SHE: variants seen among roughly 807,000 people sequenced by gnomAD.
SHE encodes the protein SH2 domain-containing adapter protein E.
In SHE, 11 loss-of-function variants were observed where a neutral mutation model predicts 49.8. The ratio of observed to expected loss-of-function variants is 0.22; its 90% confidence interval spans 0.14 to 0.37. The LOEUF (loss-of-function observed/expected upper bound fraction) is 0.37, where lower values mean the gene tolerates loss of function less well. Among genes scored for constraint, SHE ranks in the 10% least tolerant of loss-of-function variants. SHE has a pLI of 1.00. For missense variants in SHE, 624 were observed against 655.5 expected, an observed-to-expected ratio of 0.95 and a Z score of 0.52; for synonymous variants, 310 against 278.1, an observed-to-expected ratio of 1.11 and a Z score of -1.14.
Position 154,490,186 on chromosome 1 carries a change from C to T in SHE, c.719-830G>A, listed in dbSNP as rs547028094. Among the ~76,000 whole-genome samples, 18 of 152,244 alleles carry T rather than the reference C, an allele frequency of 1.2e-4. No individual in the cohort carries two copies. The South Asian group carries it at 2.9e-3, about 25-fold the overall frequency. Reference sequence around the variant, plus strand: ...AACTGGGGGAAGCCAGACACATTCACGAATAATATGTATTGGGCTAATAAC... The same window carrying T: ...AACTGGGGGAAGCCAGACACATTCATGAATAATATGTATTGGGCTAATAAC... On this transcript the variant is annotated intron_variant, in intron 2 of 5. Transcript: ENST00000304760.
Position 154,482,682 on chromosome 1 carries a change from A to C in SHE, c.*1467T>G. 1 of 985,448 alleles carries C rather than the reference A, an allele frequency of 1.0e-6. No homozygotes were observed. The highest frequency in any genetic ancestry group is 1.2e-6 in the Non-Finnish European group (1 of 829,936). The allele number at this position is 985,448 out of a possible 1,614,324, so 61.0% of individuals were successfully genotyped here. On this transcript the variant is annotated 3_prime_UTR_variant, in exon 6 of 6. Transcript: ENST00000304760. Reference sequence around the variant, plus strand: ...CATAGTACTCTTCTCACAGTATGCCATTCCCATGGTTTTTTTCACAGTAAA... The same window carrying C: ...CATAGTACTCTTCTCACAGTATGCCCTTCCCATGGTTTTTTTCACAGTAAA...
In SHE at chr1:154,488,956, T is replaced by C. The variant is rs1692271684; in HGVS notation, c.1024+95A>G. 9.8e-6 allele frequency: 14 copies of C among 1,430,412 alleles called. No individual in the cohort carries two copies. The South Asian group carries it at 1.3e-4, about 13-fold the overall frequency. The allele number at this position is 1,430,412 out of a possible 1,614,324, so 88.6% of individuals were successfully genotyped here. On this transcript the variant is annotated intron_variant, in intron 3 of 5. Coordinates refer to ENST00000304760, the MANE Select transcript of SHE (RefSeq NM_001010846.3). ...TGCACATTGAGAAGAGAAAGGAATA[T>C]AAAGGTACCCACAAGGAAAAAAACA...
chr1:154,501,407 A>G, intron 1 of SHE, 29 bp downstream of exon 1: 2 of 1,603,722 alleles, frequency 1.2e-6, no homozygotes, highest in Non-Finnish European at 8.5e-7. Flanking sequence ...TTCGACTGAG[A>G]GGTGGTCCAA....
Position 154,489,075 on chromosome 1 carries a change from CCTT to C in SHE, c.997_999del (p.Lys333del). On this transcript the variant is annotated inframe_deletion, in exon 3 of 6. Coordinates refer to ENST00000304760, the MANE Select transcript of SHE (RefSeq NM_001010846.3). ...CCTGACAGAGCCCGCACGATCTGCTCCTTCTTCCACTCCCATGGCTGCTCGTAC... is the reference window on the plus strand; with the variant it reads ...CCTGACAGAGCCCGCACGATCTGCTCCTTCCACTCCCATGGCTGCTCGTAC... The C allele has an allele frequency of 1.3e-6, 2 of 1,597,004 alleles. No individual in the cohort carries two copies. The highest frequency in any genetic ancestry group is 1.7e-6 in the Non-Finnish European group (2 of 1,169,526).
Position 154,499,236 on chromosome 1 carries a change from G to T in SHE, c.594C>A (p.Val198=). The change falls in exon 2 of 6, where the codon GTC becomes GTA. Residue 198 remains valine, a splice_region_variant and synonymous_variant. Coordinates refer to ENST00000304760, the MANE Select transcript of SHE (RefSeq NM_001010846.3). ...KGKIIKQQET[V]IILEDYADPY... ...GGTCAGCATAGTCTTCTAAAATGATGACCTGAAAAAGAACAAGAGAGGACA... is the reference window on the plus strand; with the variant it reads ...GGTCAGCATAGTCTTCTAAAATGATTACCTGAAAAAGAACAAGAGAGGACA... 1 of 1,612,460 alleles carries T rather than the reference G, an allele frequency of 6.2e-7. No individual in the cohort carries two copies. The highest frequency in any genetic ancestry group is 1.1e-5 in the South Asian group (1 of 90,964).
chr1:154,478,443 A>ACC (rs201559585), downstream of SHE, among the ~76,000 whole-genome samples: 1 of 151,674 alleles, frequency 6.6e-6, no homozygotes, highest in Non-Finnish European at 1.5e-5. Context: ...AAAAAAAAAA[A>ACC]AAAAACACTC....
At position 154,481,847 on chromosome 1, in the gene SHE, T is replaced by C. The variant is rs371347380; in HGVS notation, c.*2302A>G. 1.0e-4 allele frequency: 101 copies of C among 967,292 alleles called. No homozygotes were observed. The African/African-American group carries it at 1.5e-3, about 14-fold the overall frequency. The allele number at this position is 967,292 out of a possible 1,614,324, so 59.9% of individuals were successfully genotyped here. A position where few individuals can be genotyped will look rare whatever the true frequency, so the allele number is the denominator to read the frequency against. On this transcript the variant is annotated 3_prime_UTR_variant, in exon 6 of 6. Transcript: ENST00000304760. ...TATCTGAAAAAAACATTCCTTTTGG[T>C]TTTTTGTTTGCTTGCTTGTTGAGAC...
downstream of SHE, among the ~76,000 whole-genome samples, chr1:154,478,960 T>C (rs1169624636): frequency 1.3e-5 from 2 of 152,228 alleles, no homozygotes; most frequent in Non-Finnish European, 2.9e-5. Context: ...CTCAACAGTA[T>C]GCCCTTCTAG....
chr1:154,499,535 GT>G (rs1474137463), intron 1 of SHE, among the ~76,000 whole-genome samples: 2 of 152,184 alleles, frequency 1.3e-5, no homozygotes, highest in South Asian at 4.2e-4. Flanking sequence ...GGTGGCAGGG[GT>G]GGATGTGGGG....
At chr1:154,497,745 A>G (rs543132102) in intron 2 of SHE, among the ~76,000 whole-genome samples, 1 of 152,018 alleles carries the variant, frequency 6.6e-6, no homozygotes, top group African/African-American at 2.4e-5. Flanking sequence ...CAATGGCACG[A>G]TCTTGGCTCA....
rs368740035 is a variant in SHE, at chr1:154,501,481, C to T, written c.546G>A (p.Leu182=). 40 of 1,614,062 alleles carry T rather than the reference C, an allele frequency of 2.5e-5. No homozygotes were observed. The highest frequency in any genetic ancestry group is 3.2e-5 in the Non-Finnish European group (38 of 1,180,028). ...TCTTGCCCTTGTCCAGCTCGGGCCC[C>T]AGGGAGGAAGGGGAAGAGGACGCGG... ...SSSASSSPSS[L]GPELDKGKII... The change falls in exon 1 of 6, where the codon CTG becomes CTA. Residue 182 remains leucine (L), a synonymous_variant. Transcript: ENST00000304760.
rs566990204 is a variant in SHE, at chr1:154,498,993, G to A, written c.718+119C>T. Reference sequence around the variant, plus strand: ...TGGGGTCTAATTTCTGTTTCTTCAAGTCAGCAGGATCTGGGTAAATTGCTT... The same window carrying A: ...TGGGGTCTAATTTCTGTTTCTTCAAATCAGCAGGATCTGGGTAAATTGCTT... On this transcript the variant is annotated intron_variant, in intron 2 of 5. Coordinates refer to ENST00000304760, the MANE Select transcript of SHE (RefSeq NM_001010846.3). The A allele has an allele frequency of 1.8e-5, 24 of 1,317,064 alleles. No homozygotes were observed. The East Asian group carries it at 5.7e-4, about 31-fold the overall frequency. The allele number at this position is 1,317,064 out of a possible 1,614,324, so 81.6% of individuals were successfully genotyped here. A position where few individuals can be genotyped will look rare whatever the true frequency, so the allele number is the denominator to read the frequency against.
chr1:154,499,650 CATA>C lies in SHE; in HGVS notation c.592-415_592-413del, dbSNP rs142083789. On this transcript the variant is annotated intron_variant, in intron 1 of 5. Transcript: ENST00000304760. ...ACTCCAATCAGCTGAGCAGTACAGT[CATA>C]ATGAGTCAGTCAGTCATCCACCAGC... Among the ~76,000 whole-genome samples the C allele has an allele frequency of 1.0e-3, 152 of 152,254 alleles. 1 individual carries two copies. Among genetic ancestry groups the C allele is most frequent in the African/African-American group, 3.5e-3 (145 of 41,552 alleles).
At position 154,480,288 on chromosome 1, in the gene SHE, C is replaced by T. The variant is rs1268336483; in HGVS notation, c.*3861G>A. 2.0e-6 allele frequency: 2 copies of T among 985,336 alleles called. No individual in the cohort carries two copies. The highest frequency in any genetic ancestry group is 2.4e-6 in the Non-Finnish European group (2 of 829,934). The allele number at this position is 985,336 out of a possible 1,614,324, so 61.0% of individuals were successfully genotyped here. ...GGGGTGCGGGGAAGGGAAATGAAAT[C>T]GACATCACTGCACTCCCTAAACCCT... On this transcript the variant is annotated 3_prime_UTR_variant, in exon 6 of 6. Coordinates refer to ENST00000304760, the MANE Select transcript of SHE (RefSeq NM_001010846.3).
intron 5 of SHE, 57 bp from the exon 6 acceptor site, chr1:154,484,392 T>C (rs1462711404): frequency 4.8e-6 from 7 of 1,457,274 alleles, no homozygotes; most frequent in Non-Finnish European, 6.6e-6. Flanking sequence ...CCCTCCCCAC[T>C]GAAAACAATT....
chr1:154,475,712 C>T (rs1241649541), downstream of SHE, among the ~76,000 whole-genome samples: 1 of 152,160 alleles, frequency 6.6e-6, no homozygotes, highest in Non-Finnish European at 1.5e-5. Context: ...GGATCACAGA[C>T]AAAACAAAAT....
chr1:154,487,232 A>G (rs1056061303), intron 3 of SHE, among the ~76,000 whole-genome samples: 8 of 149,090 alleles, frequency 5.4e-5, no homozygotes, highest in African/African-American at 2.0e-4. Context: ...AGATTGCGCC[A>G]CGGCACTCCA....
chr1:154,471,189 A>G (rs1403289605), intron 1 of SHE, among the ~76,000 whole-genome samples: 1 of 152,086 alleles, frequency 6.6e-6, no homozygotes, highest in African/African-American at 2.4e-5. Flanking sequence ...TAATGTCTTT[A>G]TGGAAGTTCC....
intron 5 of SHE, chr1:154,485,095 C>A (rs1375369887): frequency 6.6e-6 from 1 of 152,046 alleles, no homozygotes; most frequent in South Asian, 2.1e-4. Flanking sequence ...ATAATAAAAA[C>A]CATTTCCTCC....
Sources: gnomAD v4.1 joint callset for allele counts (sites outside exome capture counted in the v4.1 genomes callset) on GRCh38, gnomAD v4.1.1 for gene constraint, MANE v1.5 for transcripts, NCBI Gene and HGNC (gene_info 2026-07-23, HGNC 2026-07-21) for gene names.